Variants in KIAA0319 observed in about 807,000 individuals in gnomAD.
The protein encoded by KIAA0319 is KIAA0319, also known as dyslexia-associated protein KIAA0319.
Under a neutral mutation model 108.4 loss-of-function variants are expected in KIAA0319, and 83 were observed. That is an observed-to-expected ratio of 0.77 (90% CI 0.64 to 0.92). The LOEUF is 0.92. Ranked by LOEUF, KIAA0319 falls within the 40% of genes least tolerant of loss-of-function variation. The probability of loss-of-function intolerance (pLI) is 0.00; values close to 1 mark genes in which losing one functional copy is unlikely to be tolerated. For missense variants in KIAA0319, 1,195 were observed against 1,322.4 expected (o/e 0.90, Z 1.49); for synonymous variants, 484 against 510.4 (o/e 0.95, Z 0.70).
intron 3 of KIAA0319, among the ~76,000 whole-genome samples, 162 bp downstream of exon 3, chr6:24,595,711 G>A (rs1484873740): frequency 6.6e-6 from 1 of 152,106 alleles, no homozygotes; most frequent in Non-Finnish European, 1.5e-5. Context: ...ATCTCTGAGA[G>A]ACAGTCATCT....
In KIAA0319 at chr6:24,595,927, C is replaced by G. The variant is rs1176322000; in HGVS notation, c.747G>C (p.Glu249Asp). ...CCTGGAGCTGAGAAGCCTTTTCTTT[C>G]TCCAACACCTCTCCTGAAGATGGAG... is the stretch of plus-strand genomic sequence containing the variant. ...PTTPSSGEVL[E>D]KEKASQLQEQ... Residue 249 changes from glutamate to aspartate, a missense_variant, in exon 3 of 21, where the codon GAG (glutamate) becomes GAC (aspartate). Glu to Asp is a conservative substitution (Grantham distance 45, BLOSUM62 2). Coordinates refer to ENST00000378214, the MANE Select transcript of KIAA0319 (RefSeq NM_014809.4). 1 of 1,613,462 alleles carries G rather than the reference C, an allele frequency of 6.2e-7. No individual in the cohort carries two copies. Among genetic ancestry groups the G allele is most frequent in the African/African-American group, 1.3e-5 (1 of 74,906 alleles).
downstream of KIAA0319, among the ~76,000 whole-genome samples, chr6:24,540,633 A>T (rs551729551): frequency 7.3e-6 from 1 of 137,484 alleles, no homozygotes; most frequent in East Asian, 2.0e-4. Context: ...TTAGTTGGAG[A>T]AATGGTGACT....
At chr6:24,576,001 A>G (rs1319705887) in intron 10 of KIAA0319, among the ~76,000 whole-genome samples, 1 of 152,234 alleles carries the variant, frequency 6.6e-6, no homozygotes. Flanking sequence ...AGTTTCTATA[A>G]ACAGGAGAAA....
intron 1 of KIAA0319, among the ~76,000 whole-genome samples, chr6:24,642,292 G>A (rs1562127885): frequency 6.6e-6 from 1 of 151,620 alleles, no homozygotes; most frequent in Non-Finnish European, 1.5e-5. Flanking sequence ...AAGAAAGAAA[G>A]AAGAAAAGAA....
At chr6:24,640,476 G>T (rs1465417995) in intron 1 of KIAA0319, among the ~76,000 whole-genome samples, 1 of 152,194 alleles carries the variant, frequency 6.6e-6, no homozygotes, top group Non-Finnish European at 1.5e-5. Flanking sequence ...TAGAATAGGT[G>T]TGGGTTATGA....
chr6:24,554,765 G>A, intron 18 of KIAA0319, 134 bp from the exon 19 acceptor site: 1 of 663,950 alleles, frequency 1.5e-6, no homozygotes, highest in Non-Finnish European at 2.7e-6. Flanking sequence ...CATCAGACTG[G>A]TAGCAGAGCA....
At chr6:24,572,738 C>T in intron 10 of KIAA0319, 40 bp from the exon 11 acceptor site, 3 of 1,553,732 alleles carry the variant, frequency 1.9e-6, no homozygotes, top group Non-Finnish European at 2.6e-6. Context: ...CAAAACAAAA[C>T]AAAAAAGTAA....
chr6:24,581,530 G>T (rs1199198732), intron 6 of KIAA0319, among the ~76,000 whole-genome samples: 1 of 152,168 alleles, frequency 6.6e-6, no homozygotes, highest in Non-Finnish European at 1.5e-5. Flanking sequence ...CATGTTTCTT[G>T]TGAGTGCTTG....
Position 24,573,026 on chromosome 6 carries a change from C to T in KIAA0319, c.1735-328G>A, listed in dbSNP as rs553506828. On this transcript the variant is annotated intron_variant, in intron 10 of 20. Transcript: ENST00000378214. ...ATCCCAGCTACTTAAGAGGCTGAGG[C>T]ACGAGAATCACTTGGAACACGGGAG... 2.6e-4 allele frequency among the ~76,000 whole-genome samples: 39 copies of T among 152,208 alleles called. No individual in the cohort carries two copies. In the South Asian group the frequency reaches 3.7e-3, roughly 15 times the overall value.
intron 4 of KIAA0319, among the ~76,000 whole-genome samples, chr6:24,585,500 A>G (rs1767334124): frequency 6.6e-6 from 1 of 152,014 alleles, no homozygotes; most frequent in Non-Finnish European, 1.5e-5. Flanking sequence ...GAGCTCAGCC[A>G]TCCCTCTGCT....
intron 1 of KIAA0319, among the ~76,000 whole-genome samples, chr6:24,633,371 T>C (rs188669471): frequency 2.4e-4 from 36 of 152,198 alleles, no homozygotes; most frequent in African/African-American, 3.9e-4. Flanking sequence ...GAAAGATAAT[T>C]AAAGATATGA....
chr6:24,615,307 C>T (rs1371814766), intron 1 of KIAA0319, among the ~76,000 whole-genome samples: 2 of 151,954 alleles, frequency 1.3e-5, no homozygotes, highest in Non-Finnish European at 2.9e-5. Flanking sequence ...GCTCTATATA[C>T]ACATTGGTAT....
In KIAA0319 at chr6:24,596,135, GCACTCCCTCTGGGCT is replaced by G; in HGVS notation, c.524_538del (p.Glu175_Ser179del). ...CAGTAGGCCCCAGTCCGTGTACTCG[GCACTCCCTCTGGGCT>G]CCTGCTTGCCACTGGGTTGCAAGAG... On this transcript the variant is annotated inframe_deletion, in exon 3 of 21. Coordinates refer to ENST00000378214, the MANE Select transcript of KIAA0319 (RefSeq NM_014809.4). 1.2e-6 allele frequency: 2 copies of G among 1,614,128 alleles called. No individual in the cohort carries two copies. Among genetic ancestry groups the G allele is most frequent in the African/African-American group, 1.3e-5 (1 of 75,036 alleles).
intron 3 of KIAA0319, among the ~76,000 whole-genome samples, chr6:24,590,916 C>G (rs868599081): frequency 6.6e-6 from 1 of 152,200 alleles, no homozygotes; most frequent in Non-Finnish European, 1.5e-5. Context: ...AAAATCAATC[C>G]TCTATGGAAG....
Position 24,576,486 on chromosome 6 carries a change from A to G in KIAA0319, c.1616T>C (p.Ile539Thr). The G allele has an allele frequency of 1.2e-6, 2 of 1,614,134 alleles. No individual in the cohort carries two copies. Among genetic ancestry groups the G allele is most frequent in the African/African-American group, 1.3e-5 (1 of 75,036 alleles). The change falls in exon 10 of 21, where the codon ATA becomes ACA. Residue 539 changes from isoleucine (I) to threonine (T), a missense_variant. Ile to Thr is a moderately conservative substitution (Grantham distance 89, BLOSUM62 -1). Transcript: ENST00000378214. ...PVANAGPNHT[I>T]TLPQNSITLN... Reference sequence around the variant, plus strand: ...AGTGATGGAGTTTTGGGGCAAAGTTATGGTGTGATTTGGTCCTGCATTAGC... The same window carrying G: ...AGTGATGGAGTTTTGGGGCAAAGTTGTGGTGTGATTTGGTCCTGCATTAGC...
At chr6:24,609,384 C>T (rs770202536) in intron 1 of KIAA0319, among the ~76,000 whole-genome samples, 4 of 151,656 alleles carry the variant, frequency 2.6e-5, no homozygotes, top group Non-Finnish European at 4.4e-5. Context: ...TGAGACCATC[C>T]TGGCCAACAT....
chr6:24,578,371 T>C, intron 8 of KIAA0319, 129 bp from the exon 9 acceptor site: 2 of 579,434 alleles, frequency 3.5e-6, no homozygotes, highest in Non-Finnish European at 5.7e-6. Flanking sequence ...TCTCAATGGA[T>C]ATATACTGTA....
intron 1 of KIAA0319, among the ~76,000 whole-genome samples, chr6:24,601,841 A>G (rs1770665398): frequency 2.0e-5 from 3 of 152,094 alleles, no homozygotes; most frequent in Admixed American, 1.3e-4. Context: ...TACAAGTCTG[A>G]CTTATAGCAG....
rs1206073213 is a variant in KIAA0319 at position 24,608,620 on chromosome 6, C to CAAA, written c.-105-7415_-105-7413dup. 2.6e-5 allele frequency among the ~76,000 whole-genome samples: 4 copies of CAAA among 152,052 alleles called. No individual in the cohort carries two copies. In the East Asian group the frequency reaches 7.8e-4, roughly 29 times the overall value. On this transcript the variant is annotated intron_variant, in intron 1 of 20. Coordinates refer to ENST00000378214, the MANE Select transcript of KIAA0319 (RefSeq NM_014809.4). ...AAATGGATCCAAATACTTCCAAGAC[C>CAAA]AAAAGACATGATTAAAAATCGCATG...
Sources: allele counts gnomAD v4.1 joint callset (sites outside exome capture counted in the v4.1 genomes callset), GRCh38; gene constraint gnomAD v4.1.1; transcripts MANE v1.5; gene names NCBI Gene and HGNC (gene_info 2026-07-23, HGNC 2026-07-21).